The following SLC36A1 variants were observed in gnomAD, a reference collection of about 807,000 sequenced individuals.
SLC36A1 encodes the protein proton-coupled amino acid transporter 1.
SLC36A1 carries 30 observed loss-of-function variants against 47.5 expected under a neutral mutation model. That is an observed-to-expected ratio of 0.63 (90% confidence interval 0.47 to 0.86). The LOEUF is 0.86. SLC36A1 is among the 40% of genes least tolerant of loss of function. The pLI, the probability that SLC36A1 is intolerant of heterozygous loss-of-function variation, is 0.00. For missense variants in SLC36A1, 517 were observed against 606.0 expected (o/e 0.85, Z 1.54); for synonymous variants, 255 against 249.7 (o/e 1.02, Z -0.20).
At chr5:151,366,698 G>T in the SLC36A1 span, 1 of 157,468 alleles carries the variant, frequency 6.4e-6, no homozygotes, top group Non-Finnish European at 1.4e-5. Flanking sequence ...ACTTGCCCCA[G>T]AGGGGAACAC....
chr5:151,539,978 T>C, the SLC36A1 span, among the ~76,000 whole-genome samples: 1 of 152,188 alleles, frequency 6.6e-6, no homozygotes, highest in African/African-American at 2.4e-5. Context: ...AGGAGGTGCA[T>C]ATATGGGCAT....
At chr5:151,523,911 G>A in the SLC36A1 span, among the ~76,000 whole-genome samples, 5 of 152,148 alleles carry the variant, frequency 3.3e-5, no homozygotes, top group African/African-American at 1.2e-4. Context: ...AAGTCTTCAT[G>A]GGAGCCAACA....
chr5:151,399,515 A>G, the SLC36A1 span, among the ~76,000 whole-genome samples: 1 of 152,214 alleles, frequency 6.6e-6, no homozygotes, highest in Non-Finnish European at 1.5e-5. Context: ...GGTTCAGAGG[A>G]TAAGAAATAT....
chr5:151,473,866 AG>A, intron 8 of SLC36A1, 95 bp downstream of exon 8: 1 of 1,026,260 alleles, frequency 9.7e-7, no homozygotes, highest in South Asian at 1.3e-5. Context: ...ATTGTTAGAA[AG>A]TATCTTCTGA....
At chr5:151,544,029 A>G in the SLC36A1 span, 2 of 1,614,172 alleles carry the variant, frequency 1.2e-6, no homozygotes, top group East Asian at 2.2e-5. Flanking sequence ...ACACATTGAC[A>G]ACCACAAGGG....
the SLC36A1 span, among the ~76,000 whole-genome samples, chr5:151,345,079 CAA>C: frequency 6.6e-6 from 1 of 152,162 alleles, no homozygotes; most frequent in South Asian, 2.1e-4. Flanking sequence ...GCCCGGAGGA[CAA>C]AGTCTAAACC....
chr5:151,549,195 G>A, the SLC36A1 span: 1 of 1,105,556 alleles, frequency 9.0e-7, no homozygotes, highest in African/African-American at 1.6e-5. Context: ...GGCTTAATGA[G>A]CTTGGTACTT....
the SLC36A1 span, among the ~76,000 whole-genome samples, chr5:151,409,813 T>TA: frequency 6.6e-6 from 1 of 152,220 alleles, no homozygotes; most frequent in African/African-American, 2.4e-5. Context: ...TGGGGAAATG[T>TA]ATTTCTACAG....
At chr5:151,508,263 TTTG>T in the SLC36A1 span, among the ~76,000 whole-genome samples, 7 of 152,206 alleles carry the variant, frequency 4.6e-5, no homozygotes, top group African/African-American at 1.7e-4. Flanking sequence ...CTACCAGTTG[TTTG>T]TTATTTTGGG....
chr5:151,380,893 G>A, the SLC36A1 span: 11 of 418,918 alleles, frequency 2.6e-5, no homozygotes, highest in Admixed American at 1.3e-4. Context: ...TCCAAGGGAC[G>A]GGGCTGCACC....
chr5:151,391,202 CTCTG>C, the SLC36A1 span, among the ~76,000 whole-genome samples: 3 of 151,826 alleles, frequency 2.0e-5, no homozygotes, highest in East Asian at 1.9e-4. Flanking sequence ...TGATTTGGCT[CTCTG>C]TCTGTTATTG....
chr5:151,478,828 TTTTTC>T (rs1758425893), intron 9 of SLC36A1, among the ~76,000 whole-genome samples: 1 of 149,642 alleles, frequency 6.7e-6, no homozygotes, highest in African/African-American at 2.6e-5. Flanking sequence ...TTCCTCCTCT[TTTTTC>T]TTTTTTAAGA....
the SLC36A1 span, among the ~76,000 whole-genome samples, chr5:151,358,980 CAAAAA>C: frequency 1.5e-3 from 69 of 46,226 alleles, no homozygotes; most frequent in Admixed American, 2.3e-3. Flanking sequence ...GACTCCGTCT[CAAAAA>C]AAAAAAAAAA....
chr5:151,441,815 C>T (rs913561067), intron 1 of SLC36A1, among the ~76,000 whole-genome samples: 3 of 152,086 alleles, frequency 2.0e-5, no homozygotes, highest in African/African-American at 7.2e-5. Flanking sequence ...GTATTTAAAG[C>T]ATGTAACTTG....
At chr5:151,387,882 G>C in the SLC36A1 span, among the ~76,000 whole-genome samples, 1 of 152,148 alleles carries the variant, frequency 6.6e-6, no homozygotes, top group East Asian at 1.9e-4. Context: ...AGAGCATAAA[G>C]TCTCACTAGA....
chr5:151,467,789 TCTACATGCTCTC>T lies in SLC36A1; in HGVS notation c.590_601del (p.Tyr197_Ser200del), dbSNP rs779768220. ...CTGACGCCTACCATGGACTCGCGAC[TCTACATGCTCTC>T]CTTCCTGCCCTTCCTGGTGCTGCTG... On this transcript the variant is annotated inframe_deletion, in exon 7 of 11. Transcript: ENST00000243389. 6.2e-7 allele frequency: 1 copy of T among 1,614,078 alleles called. No homozygotes were observed. The highest frequency in any genetic ancestry group is 2.2e-5 in the East Asian group (1 of 44,854).
At chr5:151,405,343 CTTTTTTT>C in the SLC36A1 span, among the ~76,000 whole-genome samples, 13 of 85,266 alleles carry the variant, frequency 1.5e-4, no homozygotes, top group African/African-American at 3.5e-4. Flanking sequence ...CTCTCTTTCT[CTTTTTTT>C]TTTTTTTTTT....
At chr5:151,438,938 ATTAG>A (rs1425419774) in intron 1 of SLC36A1, among the ~76,000 whole-genome samples, 1 of 152,168 alleles carries the variant, frequency 6.6e-6, no homozygotes, top group Non-Finnish European at 1.5e-5. Flanking sequence ...TTTATTGGGT[ATTAG>A]TTCGTTCTAA....
At chr5:151,385,661 G>T in the SLC36A1 span, among the ~76,000 whole-genome samples, 1 of 151,918 alleles carries the variant, frequency 6.6e-6, no homozygotes, top group African/African-American at 2.4e-5. Flanking sequence ...AGCCCCTTTT[G>T]CCAAAATGGG....
Sources: gnomAD v4.1 joint callset for allele counts (sites outside exome capture counted in the v4.1 genomes callset) on GRCh38, gnomAD v4.1.1 for gene constraint, MANE v1.5 for transcripts, NCBI Gene and HGNC (gene_info 2026-07-23, HGNC 2026-07-21) for gene names.